The following FAM169A variants were observed in gnomAD, a reference collection of about 807,000 sequenced individuals.
FAM169A encodes soluble lamin-associated protein of 75 kDa.
In FAM169A, 24 loss-of-function variants were observed where a neutral mutation model predicts 75.7. That is an observed-to-expected ratio of 0.32 (90% CI 0.23 to 0.45). FAM169A has a LOEUF of 0.45. FAM169A is among the 20% of genes least tolerant of loss of function. The probability of loss-of-function intolerance (pLI) is 1.00; values close to 1 mark genes in which losing one functional copy is unlikely to be tolerated. For synonymous variants in FAM169A, 271 were observed against 271.0 expected, an observed-to-expected ratio of 1.00 and a Z score of 0.00; for missense variants, 673 against 784.0, an observed-to-expected ratio of 0.86 and a Z score of 1.69.
At chr5:74,791,976 A>G (rs958474272) in intron 11 of FAM169A, among the ~76,000 whole-genome samples, 4 of 152,210 alleles carry the variant, frequency 2.6e-5, no homozygotes, top group African/African-American at 9.7e-5. Flanking sequence ...CTAAGAAAAT[A>G]TCTTCATTTT....
At chr5:74,791,324 A>T (rs921839578) in intron 11 of FAM169A, among the ~76,000 whole-genome samples, 1 of 152,190 alleles carries the variant, frequency 6.6e-6, no homozygotes, top group Non-Finnish European at 1.5e-5. Flanking sequence ...CAGGGGTAAA[A>T]GTGGAAATGG....
chr5:74,798,965 CT>C, intron 10 of FAM169A: 1 of 1,096,462 alleles, frequency 9.1e-7, no homozygotes, highest in Non-Finnish European at 1.4e-6. Flanking sequence ...CCGACCCCAG[CT>C]TTCTCTCCTT....
intron 11 of FAM169A, among the ~76,000 whole-genome samples, chr5:74,794,237 T>A (rs113918290): frequency 0.36 from 48,372 of 134,382 alleles, 9,603 homozygotes; most frequent in African/African-American, 0.59. Flanking sequence ...TGCTCAAAAT[T>A]CAAAAAATTA....
At chr5:74,866,547 T>C (rs1750359706), upstream of FAM169A, 1 of 531,728 alleles carries the variant, frequency 1.9e-6, no homozygotes, top group Non-Finnish European at 2.4e-6. Flanking sequence ...GGTGCGGGCT[T>C]GGCCAGCCCG....
At position 74,784,567 on chromosome 5, in the gene FAM169A, G is replaced by A. The variant is rs374625467; in HGVS notation, c.1261-1433C>T. On this transcript the variant is annotated intron_variant, in intron 11 of 12. Coordinates refer to ENST00000687041, the MANE Select transcript of FAM169A (RefSeq NM_001376049.1). ...GTGCAATAGTATTATAAAGTGAGGA[G>A]ACTAGAGAACTTCAGGAAGAGAGGG... is the stretch of plus-strand genomic sequence containing the variant. Among the ~76,000 whole-genome samples the A allele has an allele frequency of 3.2e-4, 37 of 116,056 alleles. No homozygotes were observed. In the East Asian group the frequency reaches 8.4e-3, roughly 26 times the overall value. The allele number at this position is 116,056 out of a possible 152,430, so 76.1% of individuals were successfully genotyped here.
intron 5 of FAM169A, among the ~76,000 whole-genome samples, chr5:74,814,567 C>CT (rs1747374092): frequency 6.6e-6 from 1 of 152,028 alleles, no homozygotes; most frequent in Admixed American, 6.5e-5. Flanking sequence ...TTTTTAAGGA[C>CT]TATAAATTGG....
At chr5:74,819,319 C>T (rs1420092650) in intron 5 of FAM169A, among the ~76,000 whole-genome samples, 1 of 152,062 alleles carries the variant, frequency 6.6e-6, no homozygotes, top group African/African-American at 2.4e-5. Context: ...CATTCTTAGC[C>T]ACCAGGAAAA....
At chr5:74,797,855 A>G (rs1382208049) in intron 10 of FAM169A, among the ~76,000 whole-genome samples, 1 of 152,186 alleles carries the variant, frequency 6.6e-6, no homozygotes, top group East Asian at 1.9e-4. Context: ...TGCCGTTCCA[A>G]TGCAAACATT....
At chr5:74,851,060 C>T (rs1460857817) in intron 1 of FAM169A, among the ~76,000 whole-genome samples, 1 of 152,154 alleles carries the variant, frequency 6.6e-6, no homozygotes, top group African/African-American at 2.4e-5. Context: ...AGAATACAGG[C>T]ACATGCCACC....
intron 4 of FAM169A, among the ~76,000 whole-genome samples, chr5:74,838,634 C>T (rs1250246857): frequency 6.6e-6 from 1 of 152,194 alleles, no homozygotes; most frequent in Non-Finnish European, 1.5e-5. Flanking sequence ...GTCAGTCTCT[C>T]CTAGAGACAG....
At chr5:74,805,468 C>T (rs908689243) in intron 6 of FAM169A, among the ~76,000 whole-genome samples, 184 bp from the exon 7 acceptor site, 3 of 149,344 alleles carry the variant, frequency 2.0e-5, no homozygotes, top group Admixed American at 6.8e-5. Flanking sequence ...AATAAAAATC[C>T]CAAATAAAAG....
At chr5:74,795,902 G>A in intron 11 of FAM169A, 128 bp downstream of exon 11, 2 of 891,476 alleles carry the variant, frequency 2.2e-6, no homozygotes, top group Non-Finnish European at 3.3e-6. Flanking sequence ...TAATATATAT[G>A]ATTTTTAACA....
intron 6 of FAM169A, among the ~76,000 whole-genome samples, chr5:74,809,397 A>G (rs925925514): frequency 6.6e-6 from 1 of 152,100 alleles, no homozygotes; most frequent in East Asian, 1.9e-4. Context: ...GATCGAGACC[A>G]TCCTGGCTAA....
In FAM169A at chr5:74,801,593, C is replaced by T. The variant is rs763322835; in HGVS notation, c.949G>A (p.Glu317Lys). ...SLKDAFASTSEGHDKTSVSTH... is the reference protein window; with the variant it reads ...SLKDAFASTSKGHDKTSVSTH... ...ATATATCAGTTGAATTTCTTACCTTCGGAAGTGCTTGCAAAGGCATCTTTT... is the reference window on the plus strand; with the variant it reads ...ATATATCAGTTGAATTTCTTACCTTTGGAAGTGCTTGCAAAGGCATCTTTT... Residue 317 changes from glutamate (E) to lysine (K), a missense_variant, in exon 9 of 13, where the codon GAA becomes AAA. By Grantham distance (56) the Glu-to-Lys change is moderately conservative. This residue lies in a region of FAM169A where 510 missense variants were observed against 550.9 expected (regional missense o/e 0.93). Transcript: ENST00000687041. 1.8e-5 allele frequency: 29 copies of T among 1,609,226 alleles called. No individual in the cohort carries two copies. The highest frequency in any genetic ancestry group is 2.2e-5 in the East Asian group (1 of 44,844).
chr5:74,809,591 G>A (rs1215843020), intron 6 of FAM169A, among the ~76,000 whole-genome samples: 5 of 151,628 alleles, frequency 3.3e-5, no homozygotes, highest in African/African-American at 4.8e-5. Context: ...GCGAGACTAC[G>A]TCTCAAAAAA....
intron 5 of FAM169A, 67 bp from the exon 6 acceptor site, chr5:74,814,086 T>C: frequency 7.8e-7 from 1 of 1,288,788 alleles, no homozygotes. Flanking sequence ...TTTAGTGACA[T>C]GAGTTAACAG....
rs114162142 is a variant in FAM169A at position 74,850,208 on chromosome 5, T to G, written c.-3-8529A>C. Among the ~76,000 whole-genome samples the G allele has an allele frequency of 2.1e-3, 314 of 152,304 alleles. 1 individual carries two copies. The highest frequency in any genetic ancestry group is 7.0e-3 in the African/African-American group (290 of 41,564). On this transcript the variant is annotated intron_variant, in intron 1 of 12. Coordinates refer to ENST00000687041, the MANE Select transcript of FAM169A (RefSeq NM_001376049.1). The stretch of plus-strand genomic sequence containing the variant: ...GACACAAAGTGGCTGAGTAACTTGT[T>G]CAAGGCCACACTACTAGTAAGCAGC...
chr5:74,781,204 A>T lies in FAM169A; in HGVS notation c.*256T>A. ...TGTACCACCTGATAAAGAAAATATA[A>T]TATGATCTGGTTTCCCAAAATTGAA... On this transcript the variant is annotated 3_prime_UTR_variant, in exon 13 of 13. Coordinates refer to ENST00000687041, the MANE Select transcript of FAM169A (RefSeq NM_001376049.1). The T allele has an allele frequency of 7.1e-6, 3 of 423,232 alleles. No homozygotes were observed. In the South Asian group the frequency reaches 1.4e-4, roughly 19 times the overall value. 26.2% of individuals were successfully genotyped at this position (423,232 alleles called of 1,614,324 possible). A position where few individuals can be genotyped will look rare whatever the true frequency, so the allele number is the denominator to read the frequency against.
At chr5:74,832,792 A>G (rs1362351243) in intron 5 of FAM169A, among the ~76,000 whole-genome samples, 2 of 151,972 alleles carry the variant, frequency 1.3e-5, no homozygotes, top group African/African-American at 4.8e-5. Context: ...TCCAGCCTGA[A>G]TTAAATGGCT....
Sources: allele counts gnomAD v4.1 joint callset (sites outside exome capture counted in the v4.1 genomes callset), GRCh38; gene constraint gnomAD v4.1.1; regional missense constraint gnomAD v4.1.1; transcripts MANE v1.5; gene names NCBI Gene and HGNC (gene_info 2026-07-23, HGNC 2026-07-21).